The following PIK3CB variants were observed in gnomAD, a reference collection of about 807,000 sequenced individuals.
PIK3CB encodes phosphatidylinositol 4,5-bisphosphate 3-kinase catalytic subunit beta isoform.
PIK3CB carries 39 observed loss-of-function variants against 136.8 expected under a neutral mutation model. The observed-to-expected ratio is 0.29, with a 90% CI of 0.22 to 0.37. The LOEUF is 0.37. Ranked by LOEUF, PIK3CB falls within the 10% of genes least tolerant of loss-of-function variation. The probability of loss-of-function intolerance (pLI) is 1.00; values close to 1 mark genes in which losing one functional copy is unlikely to be tolerated. For missense variants in PIK3CB, 868 were observed against 1,275.4 expected (o/e 0.68, Z 4.87); for synonymous variants, 428 against 436.6 (o/e 0.98, Z 0.25).
rs1179221176 is a variant in PIK3CB, at chr3:138,693,936, AATAT to A, written c.1892+846_1892+849del. ...CTTTAACTGTAATGTATTTGCTTAA[AATAT>A]ATATATATATATATATATATATATA... is the stretch of plus-strand genomic sequence containing the variant. On this transcript the variant is annotated intron_variant, in intron 14 of 23. Transcript: ENST00000674063. Among the ~76,000 whole-genome samples, 279 of 64,596 alleles carry A rather than the reference AATAT, an allele frequency of 4.3e-3. 2 individuals carry two copies. Among genetic ancestry groups the A allele is most frequent in the East Asian group, 7.3e-3 (7 of 960 alleles). 42.4% of individuals were successfully genotyped at this position (64,596 alleles called of 152,430 possible). A position where few individuals can be genotyped will look rare whatever the true frequency, so the allele number is the denominator to read the frequency against.
At chr3:138,697,570 G>C (rs891046240) in intron 13 of PIK3CB, among the ~76,000 whole-genome samples, 1 of 152,062 alleles carries the variant, frequency 6.6e-6, no homozygotes, top group Non-Finnish European at 1.5e-5. Context: ...CGAGTAGCTG[G>C]AACAGGCGTG....
intron 6 of PIK3CB, 148 bp from the exon 7 acceptor site, chr3:138,734,952 ATT>A (rs1200519804): frequency 4.6e-3 from 839 of 182,986 alleles, no homozygotes; most frequent in Middle Eastern, 0.014. Flanking sequence ...AAAAAAAAAA[ATT>A]TTTTTTTTTT....
chr3:138,695,939 T>A (rs1481519870), intron 13 of PIK3CB, among the ~76,000 whole-genome samples: 2 of 144,884 alleles, frequency 1.4e-5, no homozygotes, highest in Non-Finnish European at 3.0e-5. Flanking sequence ...GTATTTTTTT[T>A]TTTTTTTTTT....
chr3:138,808,508 G>A (rs2046258411), intron 1 of PIK3CB, among the ~76,000 whole-genome samples: 1 of 151,980 alleles, frequency 6.6e-6, no homozygotes, highest in Admixed American at 6.6e-5. Context: ...CTACAAAGTA[G>A]TGTGTCTCTA....
chr3:138,659,870 T>G (rs1464597596), intron 21 of PIK3CB, among the ~76,000 whole-genome samples: 78 of 116,760 alleles, frequency 6.7e-4, no homozygotes, highest in African/African-American at 2.8e-3. Context: ...CCTCTTCTTT[T>G]TTTTTTTTTT....
At chr3:138,664,122 T>G in intron 20 of PIK3CB, 93 bp from the exon 21 acceptor site, 1 of 1,433,942 alleles carries the variant, frequency 7.0e-7, no homozygotes, top group South Asian at 1.3e-5. Context: ...CCTTTTTAAT[T>G]GTGAGGAGAA....
Position 138,652,808 on chromosome 3 carries a change from C to T in PIK3CB, c.*2581G>A. 4.5e-6 allele frequency: 1 copy of T among 222,894 alleles called. No individual in the cohort carries two copies. The highest frequency in any genetic ancestry group is 1.4e-3 in the Middle Eastern group (1 of 716). 13.8% of individuals were successfully genotyped at this position (222,894 alleles called of 1,614,324 possible). A position where few individuals can be genotyped will look rare whatever the true frequency, so the allele number is the denominator to read the frequency against. On this transcript the variant is annotated 3_prime_UTR_variant, in exon 24 of 24. Transcript: ENST00000674063. ...TGAGGTAATGGATACCCCAATTACC[C>T]TGATGCGATAATTACATGTTATATG...
At chr3:138,718,808 C>T (rs1576354230) in intron 8 of PIK3CB, among the ~76,000 whole-genome samples, 1 of 152,116 alleles carries the variant, frequency 6.6e-6, no homozygotes, top group Non-Finnish European at 1.5e-5. Flanking sequence ...GGAGTCTTTT[C>T]CCCACTGCTT....
At chr3:138,765,956 G>A (rs968292460) in intron 2 of PIK3CB, among the ~76,000 whole-genome samples, 1 of 151,776 alleles carries the variant, frequency 6.6e-6, no homozygotes, top group African/African-American at 2.4e-5. Context: ...CTACATTTCA[G>A]GTAGCCCATG....
At chr3:138,798,495 T>C (rs2046134328) in intron 1 of PIK3CB, among the ~76,000 whole-genome samples, 1 of 152,170 alleles carries the variant, frequency 6.6e-6, no homozygotes, top group African/African-American at 2.4e-5. Context: ...TTTATTTATA[T>C]AAAGAAACTC....
At chr3:138,784,095 G>A (rs772627130) in intron 2 of PIK3CB, among the ~76,000 whole-genome samples, 11 of 152,130 alleles carry the variant, frequency 7.2e-5, no homozygotes, top group South Asian at 2.1e-4. Context: ...AATATTCTAC[G>A]AAAATGCTTA....
At chr3:138,795,091 A>C (rs1026342765) in intron 2 of PIK3CB, among the ~76,000 whole-genome samples, 1 of 152,000 alleles carries the variant, frequency 6.6e-6, no homozygotes, top group African/African-American at 2.4e-5. Flanking sequence ...AGGCCGAGGC[A>C]GGCAGATCAC....
chr3:138,772,677 T>C (rs1025136113), intron 2 of PIK3CB, among the ~76,000 whole-genome samples: 2 of 151,100 alleles, frequency 1.3e-5, no homozygotes, highest in African/African-American at 4.9e-5. Flanking sequence ...TCGCTACATA[T>C]TCCCCAGGCT....
At chr3:138,776,094 A>C (rs1390310406) in intron 2 of PIK3CB, among the ~76,000 whole-genome samples, 1 of 152,096 alleles carries the variant, frequency 6.6e-6, no homozygotes, top group African/African-American at 2.4e-5. Context: ...GCGACTCAGG[A>C]GGCTGAGGCA....
intron 2 of PIK3CB, among the ~76,000 whole-genome samples, chr3:138,779,197 T>C (rs2045895157): frequency 6.6e-6 from 1 of 151,150 alleles, no homozygotes; most frequent in Non-Finnish European, 1.5e-5. Flanking sequence ...GCCATTCTCC[T>C]GCCTCAGCTT....
intron 19 of PIK3CB, among the ~76,000 whole-genome samples, chr3:138,667,577 T>A (rs1173548389): frequency 6.6e-6 from 1 of 151,606 alleles, no homozygotes; most frequent in African/African-American, 2.4e-5. Context: ...TTATTTATTT[T>A]TTGAGACAGA....
Position 138,655,437 on chromosome 3 carries a change from A to G in PIK3CB, c.3165T>C (p.Thr1055=). 6.2e-7 allele frequency: 1 copy of G among 1,614,076 alleles called. No homozygotes were observed. Among genetic ancestry groups the G allele is most frequent in the South Asian group, 1.1e-5 (1 of 91,088 alleles). ...FDEALRESWT[T]KVNWMAHTVR... ...CTGTGTGGGCCATCCAGTTCACTTT[A>G]GTAGTCCAGCTTTCCCTGAGCGCCT... Residue 1055 remains threonine (T), a synonymous_variant, in exon 24 of 24, where the codon ACT becomes ACC. Transcript: ENST00000674063.
intron 12 of PIK3CB, among the ~76,000 whole-genome samples, chr3:138,700,391 G>C (rs2044225930): frequency 6.6e-6 from 1 of 152,176 alleles, no homozygotes; most frequent in African/African-American, 2.4e-5. Flanking sequence ...GGAATACGCT[G>C]TTGTATCGGA....
chr3:138,660,650 TAAC>T lies in PIK3CB; in HGVS notation c.2797-2818_2797-2816del, dbSNP rs544312929. Among the ~76,000 whole-genome samples the T allele has an allele frequency of 1.1e-3, 168 of 152,286 alleles. 1 individual carries two copies. Among genetic ancestry groups the T allele is most frequent in the African/African-American group, 3.8e-3 (160 of 41,570 alleles). ...TGTCTTACAACATGGCAACTATAGT[TAAC>T]AACAATATATTGTATTCCTGAAAAC... On this transcript the variant is annotated intron_variant, in intron 21 of 23. Coordinates refer to ENST00000674063, the MANE Select transcript of PIK3CB (RefSeq NM_006219.3).
Sources: allele counts gnomAD v4.1 joint callset (sites outside exome capture counted in the v4.1 genomes callset), GRCh38; gene constraint gnomAD v4.1.1; transcripts MANE v1.5; gene names NCBI Gene and HGNC (gene_info 2026-07-23, HGNC 2026-07-21).